Variants in FHIT observed in about 807,000 individuals in gnomAD.
FHIT encodes fragile histidine triad diadenosine triphosphatase.
A neutral mutation model predicts 17.9 loss-of-function variants in FHIT; 19 were observed. The observed-to-expected ratio is 1.06, with a 90% CI of 0.74 to 1.56. FHIT has a LOEUF of 1.56. FHIT is among the 40% of genes most tolerant of loss of function. FHIT has a pLI of 0.00. For synonymous variants in FHIT, 81 were observed against 69.7 expected (o/e 1.16, Z -0.81); for missense variants, 248 against 189.2 (o/e 1.31, Z -1.82).
chr3:60,175,682 GCA>G (rs1172325905), intron 5 of FHIT, among the ~76,000 whole-genome samples: 3 of 152,104 alleles, frequency 2.0e-5, no homozygotes, highest in Non-Finnish European at 2.9e-5. Flanking sequence ...AATGAGAAAT[GCA>G]CAGTTTTTCA....
At chr3:59,870,865 G>C (rs1702886022) in intron 8 of FHIT, among the ~76,000 whole-genome samples, 1 of 99,270 alleles carries the variant, frequency 1.0e-5, no homozygotes, top group Non-Finnish European at 2.7e-5. Context: ...GCGTGTGTGT[G>C]TGTGTGTGCG....
At chr3:60,650,226 C>A (rs1485019777) in intron 4 of FHIT, among the ~76,000 whole-genome samples, 2 of 152,184 alleles carry the variant, frequency 1.3e-5, no homozygotes, top group Admixed American at 1.3e-4. Flanking sequence ...GAATTGTCAA[C>A]AAAACATACT....
chr3:60,419,724 T>C (rs751292208), intron 5 of FHIT, among the ~76,000 whole-genome samples: 1 of 152,212 alleles, frequency 6.6e-6, no homozygotes, highest in Non-Finnish European at 1.5e-5. Context: ...ATCTATAAGT[T>C]GCTGTCACTT....
intron 1 of FHIT, among the ~76,000 whole-genome samples, chr3:61,214,329 C>A (rs1204708615): frequency 6.6e-6 from 1 of 152,092 alleles, no homozygotes; most frequent in East Asian, 1.9e-4. Flanking sequence ...GGGGATATCA[C>A]CACCAATCCC....
At chr3:60,861,097 C>G (rs1255237928) in intron 3 of FHIT, among the ~76,000 whole-genome samples, 1 of 85,864 alleles carries the variant, frequency 1.2e-5, no homozygotes, top group African/African-American at 4.1e-5. Flanking sequence ...TATCAGATAT[C>G]ATATATACAC....
chr3:61,093,745 C>T (rs116568600), intron 2 of FHIT, among the ~76,000 whole-genome samples: 20 of 152,264 alleles, frequency 1.3e-4, no homozygotes, highest in African/African-American at 4.3e-4. Flanking sequence ...AAGTTGTTAG[C>T]AGGCATGATA....
At chr3:60,130,966 G>A (rs1211012780) in intron 5 of FHIT, among the ~76,000 whole-genome samples, 1 of 107,142 alleles carries the variant, frequency 9.3e-6, no homozygotes, top group Admixed American at 8.8e-5. Flanking sequence ...TAAACCAGTA[G>A]AAAGGTATAT....
chr3:60,913,021 T>C (rs1706822871), intron 3 of FHIT, among the ~76,000 whole-genome samples: 1 of 152,212 alleles, frequency 6.6e-6, no homozygotes, highest in Non-Finnish European at 1.5e-5. Flanking sequence ...TACAAAGAGC[T>C]TAGTGCAGAG....
chr3:60,720,280 G>C (rs1385894498), intron 4 of FHIT, among the ~76,000 whole-genome samples: 5 of 152,078 alleles, frequency 3.3e-5, no homozygotes, highest in Non-Finnish European at 7.3e-5. Flanking sequence ...TTAGATGTCA[G>C]CTCAAATGTC....
intron 5 of FHIT, among the ~76,000 whole-genome samples, chr3:60,334,970 C>T (rs1328026457): frequency 6.6e-6 from 1 of 152,098 alleles, no homozygotes; most frequent in Non-Finnish European, 1.5e-5. Flanking sequence ...TGAAAATAGT[C>T]CCATACAATG....
intron 1 of FHIT, among the ~76,000 whole-genome samples, chr3:61,218,973 G>C (rs62268424): frequency 0.073 from 11,058 of 152,168 alleles, 568 homozygotes; most frequent in Non-Finnish European, 0.11. Context: ...AGGTGATTTT[G>C]TCATTGTGCA....
intron 5 of FHIT, among the ~76,000 whole-genome samples, chr3:60,287,059 C>A (rs1389656828): frequency 1.3e-5 from 2 of 152,188 alleles, no homozygotes; most frequent in Admixed American, 6.5e-5. Flanking sequence ...GCCGAAAAAA[C>A]CATGTCATGT....
intron 4 of FHIT, chr3:60,732,195 A>G: frequency 1.2e-6 from 1 of 812,020 alleles, no homozygotes; most frequent in South Asian, 1.3e-5. Context: ...TGGCCTTATC[A>G]TTCCTGGACC....
At chr3:60,148,331 T>G (rs557295809) in intron 5 of FHIT, among the ~76,000 whole-genome samples, 1 of 152,194 alleles carries the variant, frequency 6.6e-6, no homozygotes, top group Admixed American at 6.5e-5. Flanking sequence ...TTTGCACAAG[T>G]CAGGGATGCA....
intron 4 of FHIT, among the ~76,000 whole-genome samples, chr3:60,778,173 G>A (rs1009618441): frequency 6.6e-6 from 1 of 152,152 alleles, no homozygotes; most frequent in Non-Finnish European, 1.5e-5. Flanking sequence ...TAATGTCTGA[G>A]TATATGCTAT....
intron 5 of FHIT, among the ~76,000 whole-genome samples, chr3:60,410,714 A>C: frequency 6.6e-6 from 1 of 152,302 alleles, no homozygotes; most frequent in East Asian, 1.9e-4. Context: ...GAGATTAATT[A>C]GCTAAATAAT....
At chr3:60,680,477 G>A (rs2040720669) in intron 4 of FHIT, among the ~76,000 whole-genome samples, 1 of 151,316 alleles carries the variant, frequency 6.6e-6, no homozygotes, top group Non-Finnish European at 1.5e-5. Context: ...TGCAAATACA[G>A]GCATAACCTG....
chr3:60,577,073 T>C (rs1465238768), intron 4 of FHIT, among the ~76,000 whole-genome samples: 2 of 152,058 alleles, frequency 1.3e-5, no homozygotes, highest in Non-Finnish European at 2.9e-5. Flanking sequence ...TTGTATGCTG[T>C]TTTTCAAATA....
At chr3:60,706,640 T>C (rs1457704648) in intron 4 of FHIT, among the ~76,000 whole-genome samples, 3 of 152,294 alleles carry the variant, frequency 2.0e-5, no homozygotes, top group African/African-American at 7.2e-5. Context: ...TGACACACTA[T>C]GGAAAGTTTT....
Sources: allele counts gnomAD v4.1 joint callset (sites outside exome capture counted in the v4.1 genomes callset), GRCh38; gene constraint gnomAD v4.1.1; transcripts MANE v1.5; gene names NCBI Gene and HGNC (gene_info 2026-07-23, HGNC 2026-07-21).